The following CCDC192 variants were observed in gnomAD, a reference collection of about 807,000 sequenced individuals.
CCDC192 encodes coiled-coil domain-containing protein 192.
Position 127,852,117 on chromosome 5 carries a change from A to G in CCDC192, c.412-23421A>G, listed in dbSNP as rs1337425574. Among the ~76,000 whole-genome samples the G allele has an allele frequency of 2.6e-5, 4 of 152,342 alleles. No individual in the cohort carries two copies. In the East Asian group the frequency reaches 7.7e-4, roughly 29 times the overall value. On this transcript the variant is annotated intron_variant, in intron 5 of 6. Transcript: ENST00000514853. The stretch of plus-strand genomic sequence containing the variant: ...TGCTCAAAATGTTTTCCACGATACC[A>G]ACCCCAGAGAGCAAACACTACTGCC...
At chr5:127,935,931 C>A (rs1754174009) in intron 6 of CCDC192, among the ~76,000 whole-genome samples, 1 of 152,066 alleles carries the variant, frequency 6.6e-6, no homozygotes, top group South Asian at 2.1e-4. Context: ...ATGGAGAAAT[C>A]CCGTCTCTAC....
At chr5:127,897,346 A>T (rs1160996683) in intron 6 of CCDC192, among the ~76,000 whole-genome samples, 1 of 152,106 alleles carries the variant, frequency 6.6e-6, no homozygotes, top group Non-Finnish European at 1.5e-5. Flanking sequence ...AAGGGATATG[A>T]TGTCTGTCCA....
rs570270784 is a variant in CCDC192 at position 127,797,213 on chromosome 5, A to G, written c.333A>G (p.Lys111=). The G allele has an allele frequency of 5.0e-6, 2 of 398,288 alleles. No individual in the cohort carries two copies. Among genetic ancestry groups the G allele is most frequent in the African/African-American group, 4.1e-5 (2 of 48,728 alleles). 24.7% of individuals were successfully genotyped at this position (398,288 alleles called of 1,614,324 possible). ...AAGCCAGTGGGGGACCATATGAAAAAATGGTTCTTGTGAAAGACCAGGTAT... is the reference window on the plus strand; with the variant it reads ...AAGCCAGTGGGGGACCATATGAAAAGATGGTTCTTGTGAAAGACCAGGTAT... ...HKEASGGPYE[K]MVLVKDQCIQ... The change falls in exon 4 of 7, where the codon AAA becomes AAG. Residue 111 remains lysine (K), a synonymous_variant. Coordinates refer to ENST00000514853, the MANE Select transcript of CCDC192 (RefSeq NM_001317938.2).
chr5:127,909,368 T>G (rs953200116), intron 6 of CCDC192, among the ~76,000 whole-genome samples: 16 of 152,092 alleles, frequency 1.1e-4, no homozygotes, highest in African/African-American at 3.9e-4. Context: ...CTTCTTCCCC[T>G]TGCTACTATG....
At chr5:127,781,579 T>C (rs1048572680) in intron 3 of CCDC192, among the ~76,000 whole-genome samples, 5 of 151,376 alleles carry the variant, frequency 3.3e-5, no homozygotes, top group African/African-American at 4.8e-5. Context: ...AGTATTCCTT[T>C]TTTTTTTTTT....
At chr5:127,906,021 G>A (rs1753184942) in intron 6 of CCDC192, among the ~76,000 whole-genome samples, 1 of 152,078 alleles carries the variant, frequency 6.6e-6, no homozygotes, top group Non-Finnish European at 1.5e-5. Context: ...TTTTATTGTG[G>A]TAAAATATAT....
In CCDC192 at chr5:127,824,595, G is replaced by C. The variant is rs1749438015; in HGVS notation, c.411+26433G>C. 1.3e-5 allele frequency among the ~76,000 whole-genome samples: 2 copies of C among 152,168 alleles called. 1 individual carries two copies. The highest frequency in any genetic ancestry group is 4.1e-4 in the South Asian group (2 of 4,822). ...TTTGCATGGAATTTCACAGACCCAA[G>C]GATAGAGATACAGCTGGGAAGATTT... On this transcript the variant is annotated intron_variant, in intron 5 of 6. Coordinates refer to ENST00000514853, the MANE Select transcript of CCDC192 (RefSeq NM_001317938.2).
At chr5:127,792,259 T>TA (rs1290463480) in intron 3 of CCDC192, among the ~76,000 whole-genome samples, 1 of 152,160 alleles carries the variant, frequency 6.6e-6, no homozygotes, top group Non-Finnish European at 1.5e-5. Flanking sequence ...TCAGGAAACT[T>TA]ACAATTATTG....
chr5:127,778,599 T>C (rs993454634), intron 3 of CCDC192, among the ~76,000 whole-genome samples: 3 of 152,202 alleles, frequency 2.0e-5, no homozygotes, highest in African/African-American at 7.2e-5. Context: ...CTGACTTTAG[T>C]ATTAGGGTAA....
At chr5:127,822,724 T>A (rs1198570031) in intron 5 of CCDC192, among the ~76,000 whole-genome samples, 1 of 152,102 alleles carries the variant, frequency 6.6e-6, no homozygotes, top group African/African-American at 2.4e-5. Context: ...ACAAAGATCA[T>A]TCCTTTAGGG....
chr5:127,739,181 ACC>A (rs1474803714), intron 2 of CCDC192, among the ~76,000 whole-genome samples: 1 of 151,858 alleles, frequency 6.6e-6, no homozygotes. Flanking sequence ...CTGTTGGAAT[ACC>A]CTGCCGTGTG....
chr5:127,702,353 GC>G, upstream of CCDC192, among the ~76,000 whole-genome samples: 1 of 152,262 alleles, frequency 6.6e-6, no homozygotes, highest in Middle Eastern at 3.4e-3. Context: ...AAGGCCGATT[GC>G]CCAATCCTTG....
At chr5:127,833,288 T>C (rs952398504) in intron 5 of CCDC192, among the ~76,000 whole-genome samples, 5 of 152,192 alleles carry the variant, frequency 3.3e-5, no homozygotes, top group Non-Finnish European at 7.4e-5. Flanking sequence ...AATTGCATCT[T>C]GTCAGAATTA....
chr5:127,760,103 G>T (rs1754827411), intron 3 of CCDC192, among the ~76,000 whole-genome samples: 1 of 151,798 alleles, frequency 6.6e-6, no homozygotes, highest in African/African-American at 2.4e-5. Flanking sequence ...ACTTTTTAAA[G>T]TTCATGGAAA....
chr5:127,921,785 A>G (rs1344071057), intron 6 of CCDC192, among the ~76,000 whole-genome samples: 1 of 152,166 alleles, frequency 6.6e-6, no homozygotes, highest in South Asian at 2.1e-4. Flanking sequence ...TTCTCTCTCC[A>G]TACTGGGTCA....
chr5:127,902,186 C>T (rs1453936982), intron 6 of CCDC192, among the ~76,000 whole-genome samples: 7 of 152,072 alleles, frequency 4.6e-5, no homozygotes, highest in Non-Finnish European at 2.9e-5. Flanking sequence ...GCAGGAGAAT[C>T]GCTTAAACCT....
At chr5:127,753,354 C>A (rs760831797) in intron 2 of CCDC192, among the ~76,000 whole-genome samples, 1 of 152,108 alleles carries the variant, frequency 6.6e-6, no homozygotes, top group Non-Finnish European at 1.5e-5. Flanking sequence ...TTGTGTTTTC[C>A]TACCAATTTT....
At chr5:127,781,743 T>C (rs1359596200) in intron 3 of CCDC192, among the ~76,000 whole-genome samples, 3 of 152,100 alleles carry the variant, frequency 2.0e-5, no homozygotes, top group African/African-American at 7.2e-5. Flanking sequence ...TCTGGAGGTG[T>C]CTTTAGGGTT....
chr5:127,892,653 T>G (rs953717698), intron 6 of CCDC192, among the ~76,000 whole-genome samples: 1 of 152,232 alleles, frequency 6.6e-6, no homozygotes, highest in African/African-American at 2.4e-5. Context: ...TGACATCATT[T>G]TCTCATTGTT....
Sources: allele counts gnomAD v4.1 joint callset (sites outside exome capture counted in the v4.1 genomes callset), GRCh38; gene constraint gnomAD v4.1.1; transcripts MANE v1.5; gene names NCBI Gene and HGNC (gene_info 2026-07-23, HGNC 2026-07-21).